CFAP92: variants seen among roughly 807,000 people sequenced by gnomAD.
The protein encoded by CFAP92 is uncharacterized protein CFAP92.
CFAP92 carries 86 observed loss-of-function variants against 106.3 expected under a neutral mutation model. The ratio of observed to expected loss-of-function variants is 0.81; its 90% CI spans 0.68 to 0.97. The LOEUF is 0.97. CFAP92 is among the 50% of genes least tolerant of loss of function. The pLI is 0.00. For missense variants in CFAP92, 1,204 were observed against 1,283.8 expected (o/e 0.94, Z 0.95); for synonymous variants, 477 against 506.4 (o/e 0.94, Z 0.78).
intron 9 of CFAP92, among the ~76,000 whole-genome samples, chr3:128,953,644 C>A (rs1283221963): frequency 7.6e-6 from 1 of 131,578 alleles, no homozygotes; most frequent in Non-Finnish European, 1.5e-5. Context: ...TCCCTCTCCC[C>A]ACGGTCTCCC....
chr3:128,995,254 T>G (rs565058203), upstream of CFAP92, among the ~76,000 whole-genome samples: 1 of 152,338 alleles, frequency 6.6e-6, no homozygotes, highest in African/African-American at 2.4e-5. Context: ...CAGACCGCTC[T>G]CAGGGCATGG....
chr3:128,962,331 C>T (rs1460503254), intron 9 of CFAP92, among the ~76,000 whole-genome samples: 1 of 152,174 alleles, frequency 6.6e-6, no homozygotes, highest in Non-Finnish European at 1.5e-5. Flanking sequence ...CCCTTGCCTC[C>T]ATAACTGTTG....
chr3:128,934,105 G>A (rs1023796158), intron 11 of CFAP92, among the ~76,000 whole-genome samples: 7 of 149,656 alleles, frequency 4.7e-5, no homozygotes, highest in Admixed American at 1.3e-4. Context: ...CCGTGCCCCC[G>A]CTGGGTCCCA....
At chr3:129,003,387 C>A, upstream of CFAP92, 1 of 692,864 alleles carries the variant, frequency 1.4e-6, no homozygotes, top group Non-Finnish European at 1.8e-6. Flanking sequence ...CTCTAGTGAG[C>A]AGGCACGGGG....
At chr3:129,008,197 A>T in the CFAP92 span, among the ~76,000 whole-genome samples, 1 of 152,254 alleles carries the variant, frequency 6.6e-6, no homozygotes, top group African/African-American at 2.4e-5. Flanking sequence ...ACCTGGGAAC[A>T]AAACCCCAAG....
intron 4 of CFAP92, among the ~76,000 whole-genome samples, chr3:128,980,560 T>C (rs1382555965): frequency 6.6e-6 from 1 of 152,136 alleles, no homozygotes; most frequent in Non-Finnish European, 1.5e-5. Context: ...CTCTGTAGCA[T>C]GTGAAGCTGT....
intron 8 of CFAP92, chr3:128,966,764 G>A (rs548513566): frequency 6.6e-6 from 1 of 152,158 alleles, no homozygotes; most frequent in South Asian, 2.1e-4. Flanking sequence ...TAAAGACGGG[G>A]TTTCACCGTG....
At chr3:128,952,299 AAAAT>A (rs1940892353) in intron 9 of CFAP92, among the ~76,000 whole-genome samples, 1 of 29,308 alleles carries the variant, frequency 3.4e-5, no homozygotes, top group African/African-American at 1.6e-3. Flanking sequence ...CTAGCTAATT[AAAAT>A]AAAAATTAAG....
chr3:128,941,082 T>C (rs2107720323), intron 10 of CFAP92, among the ~76,000 whole-genome samples: 1 of 152,290 alleles, frequency 6.6e-6, no homozygotes, highest in Non-Finnish European at 1.5e-5. Flanking sequence ...ATGTCTTCCT[T>C]AATGTTTCCT....
chr3:128,946,717 T>G (rs1158744209), intron 9 of CFAP92, among the ~76,000 whole-genome samples: 2 of 152,182 alleles, frequency 1.3e-5, no homozygotes, highest in Non-Finnish European at 2.9e-5. Context: ...CCTCTGGAGA[T>G]AGTCACTTTC....
At chr3:128,983,775 A>C (rs1476177958) in intron 4 of CFAP92, among the ~76,000 whole-genome samples, 1 of 152,190 alleles carries the variant, frequency 6.6e-6, no homozygotes, top group Non-Finnish European at 1.5e-5. Context: ...GTCTGCAGGG[A>C]CCAGGAGGTG....
At chr3:128,972,256 T>A (rs910328187) in intron 7 of CFAP92, among the ~76,000 whole-genome samples, 4 of 152,072 alleles carry the variant, frequency 2.6e-5, no homozygotes, top group Non-Finnish European at 4.4e-5. Flanking sequence ...TCTTTTTTTT[T>A]TTTGAGACGG....
chr3:128,960,133 C>T (rs2107757018), intron 9 of CFAP92, among the ~76,000 whole-genome samples: 1 of 152,300 alleles, frequency 6.6e-6, no homozygotes, highest in Middle Eastern at 3.4e-3. Context: ...ATAAAACGGC[C>T]CCACTCCCTT....
chr3:128,960,352 G>C (rs899424172), intron 9 of CFAP92, among the ~76,000 whole-genome samples: 1 of 152,166 alleles, frequency 6.6e-6, no homozygotes, highest in Non-Finnish European at 1.5e-5. Context: ...ATGACCTCAG[G>C]TCCTCAGACC....
At chr3:128,971,887 T>C (rs530361592) in intron 7 of CFAP92, among the ~76,000 whole-genome samples, 1 of 152,226 alleles carries the variant, frequency 6.6e-6, no homozygotes, top group South Asian at 2.1e-4. Context: ...TCTAGGACAC[T>C]GAGAAGAGGA....
At chr3:128,964,166 C>T (rs1015274537) in intron 9 of CFAP92, among the ~76,000 whole-genome samples, 1 of 152,192 alleles carries the variant, frequency 6.6e-6, no homozygotes, top group Non-Finnish European at 1.5e-5. Context: ...ACCTTTATAT[C>T]CCTTACGGTC....
chr3:129,000,832 C>A (rs1035118690), intron 1 of CFAP92, among the ~76,000 whole-genome samples: 1 of 152,196 alleles, frequency 6.6e-6, no homozygotes, highest in African/African-American at 2.4e-5. Flanking sequence ...CCACCCCCAA[C>A]AGGGATCGGG....
At chr3:128,925,153 G>A (rs79458118) in intron 12 of CFAP92, among the ~76,000 whole-genome samples, 7 of 152,206 alleles carry the variant, frequency 4.6e-5, no homozygotes, top group East Asian at 1.9e-4. Context: ...GACTGGTTTC[G>A]TGGAAGACAG....
chr3:128,978,213 TGACTCA>T (rs749530368), intron 4 of CFAP92, 28 bp from the exon 5 acceptor site: 1 of 1,601,094 alleles, frequency 6.2e-7, no homozygotes, highest in Admixed American at 1.7e-5. Context: ...AAAGGATCAT[TGACTCA>T]ATCAATCCAA....
Sources: gnomAD v4.1 joint callset for allele counts (sites outside exome capture counted in the v4.1 genomes callset) on GRCh38, gnomAD v4.1.1 for gene constraint, MANE v1.5 for transcripts, NCBI Gene and HGNC (gene_info 2026-07-23, HGNC 2026-07-21) for gene names.